Variants in ZNF839 observed in about 807,000 individuals in gnomAD.
The protein encoded by ZNF839 is zinc finger protein 839, also known as renal carcinoma antigen NY-REN-50.
In ZNF839, 38 loss-of-function variants were observed where a neutral mutation model predicts 56.4. The observed-to-expected ratio is 0.67, with a 90% CI of 0.52 to 0.88. ZNF839 has a LOEUF of 0.88. Among genes scored for constraint, ZNF839 ranks in the 40% least tolerant of loss-of-function variants. ZNF839 has a pLI of 0.00. For synonymous variants in ZNF839, 486 were observed against 493.5 expected (o/e 0.98, Z 0.20); for missense variants, 1,091 against 1,177.6 (o/e 0.93, Z 1.08).
rs2073817202 is a variant in ZNF839, at chr14:102,332,156, G to A, written c.1416+310G>A. 1.3e-5 allele frequency among the ~76,000 whole-genome samples: 2 copies of A among 151,832 alleles called. No homozygotes were observed. Among genetic ancestry groups the A allele is most frequent in the Admixed American group, 1.3e-4 (2 of 15,260 alleles). On this transcript the variant is annotated intron_variant, in intron 3 of 7. Transcript: ENST00000442396. The surrounding 1 kb of genome is among the most constrained non-coding windows in gnomAD (Gnocchi z 4.9). ...TCAAAACCATTCTTTTTTTTTAGAC[G>A]GAGTCTCACACTGTCATCCAGGCTG...
At chr14:102,339,597 A>AT (rs1886267347) in intron 7 of ZNF839, among the ~76,000 whole-genome samples, 1 of 152,138 alleles carries the variant, frequency 6.6e-6, no homozygotes, top group African/African-American at 2.4e-5. Context: ...ATACAAAAAA[A>AT]ACTAGCTGGG....
intron 1 of ZNF839, among the ~76,000 whole-genome samples, chr14:102,322,634 G>A (rs1419910587): frequency 6.6e-6 from 1 of 152,058 alleles, no homozygotes; most frequent in Non-Finnish European, 1.5e-5. Context: ...GACTGATCTC[G>A]GCTCACTACA....
intron 2 of ZNF839, 133 bp from the exon 3 acceptor site, chr14:102,331,489 A>T: frequency 1.4e-6 from 1 of 711,504 alleles, no homozygotes; most frequent in Non-Finnish European, 2.3e-6. Context: ...ACCTCAAATG[A>T]TCCACCCGCC....
chr14:102,333,367 TC>T (rs141837279), intron 3 of ZNF839, among the ~76,000 whole-genome samples: 12,371 of 151,316 alleles, frequency 0.082, 1,159 homozygotes, highest in African/African-American at 0.23. Flanking sequence ...CAATTGATCT[TC>T]CTGCATCAGC....
intron 2 of ZNF839, 72 bp from the exon 3 acceptor site, chr14:102,331,550 A>G (rs2073781300): frequency 7.3e-7 from 1 of 1,365,938 alleles, no homozygotes; most frequent in Non-Finnish European, 1.0e-6. Flanking sequence ...GCGCCCGGCC[A>G]CTAAAAGGTT....
intron 1 of ZNF839, among the ~76,000 whole-genome samples, chr14:102,325,225 A>G (rs1359004547): frequency 2.0e-5 from 3 of 151,364 alleles, no homozygotes; most frequent in African/African-American, 7.3e-5. Flanking sequence ...GTGTGGTGGC[A>G]GCTACTCCGG....
In ZNF839 at chr14:102,338,899, A is replaced by C. The variant is rs1567297330; in HGVS notation, c.1743A>C (p.Arg581=). 2 of 1,613,996 alleles carry C rather than the reference A, an allele frequency of 1.2e-6. No homozygotes were observed. Among genetic ancestry groups the C allele is most frequent in the East Asian group, 2.2e-5 (1 of 44,882 alleles). The change falls in exon 6 of 8, where the codon CGA becomes CGC. Residue 581 remains arginine (R), a synonymous_variant. Transcript: ENST00000442396. ...ACCTTGGACCCAAGCACCTCAGCCGAGACATGGATGGGGAGCAGCTAGAGG... is the reference window on the plus strand; with the variant it reads ...ACCTTGGACCCAAGCACCTCAGCCGCGACATGGATGGGGAGCAGCTAGAGG... ...PDNLGPKHLS[R]DMDGEQLEGA... is the part of the protein sequence containing the mutation.
At chr14:102,331,131 T>C (rs1175246377) in intron 2 of ZNF839, among the ~76,000 whole-genome samples, 1 of 152,256 alleles carries the variant, frequency 6.6e-6, no homozygotes, top group Non-Finnish European at 1.5e-5. Flanking sequence ...ATGAATTTTA[T>C]GGTATTTTAA....
intron 3 of ZNF839, among the ~76,000 whole-genome samples, chr14:102,333,693 C>T (rs951986568): frequency 9.2e-5 from 14 of 152,144 alleles, no homozygotes; most frequent in Non-Finnish European, 1.9e-4. Flanking sequence ...AGGCCTTCTT[C>T]CCTCTACAGA....
chr14:102,325,341 GAAAAAAA>G (rs199569682), intron 1 of ZNF839, among the ~76,000 whole-genome samples: 1 of 104,700 alleles, frequency 9.6e-6, no homozygotes, highest in Non-Finnish European at 2.1e-5. Flanking sequence ...CCTAATCTCA[GAAAAAAA>G]AAAAAAAAAT....
intron 1 of ZNF839, among the ~76,000 whole-genome samples, chr14:102,323,797 C>CT (rs1310318709): frequency 2.6e-5 from 4 of 152,268 alleles, no homozygotes; most frequent in Non-Finnish European, 4.4e-5. Flanking sequence ...AGATTCAGAG[C>CT]AGAACTTAGG....
chr14:102,330,482 C>A (rs1193361489), intron 2 of ZNF839, among the ~76,000 whole-genome samples: 1 of 151,910 alleles, frequency 6.6e-6, no homozygotes, highest in Non-Finnish European at 1.5e-5. Context: ...AATCCACCTG[C>A]CTCAGTCCCC....
At chr14:102,321,546 C>T (rs1043981250) in intron 1 of ZNF839, among the ~76,000 whole-genome samples, 1 of 152,100 alleles carries the variant, frequency 6.6e-6, no homozygotes, top group Non-Finnish European at 1.5e-5. Flanking sequence ...CAATAATATA[C>T]CTTTGCAGCA....
chr14:102,332,477 G>T lies in ZNF839; in HGVS notation c.1416+631G>T, dbSNP rs371246731. ...TACAGATGATAATTTCTCCAGAAAT[G>T]GATATTAATTTATACATTTACTGGG... On this transcript the variant is annotated intron_variant, in intron 3 of 7. Transcript: ENST00000442396. This position sits in a 1 kb window ranked among gnomAD's most constrained non-coding sequence, Gnocchi z 4.9. Among the ~76,000 whole-genome samples the T allele has an allele frequency of 6.6e-6, 1 of 152,140 alleles. No individual in the cohort carries two copies. Among genetic ancestry groups the T allele is most frequent in the East Asian group, 1.9e-4 (1 of 5,186 alleles).
chr14:102,326,913 CTT>C lies in ZNF839; in HGVS notation c.1191+30_1191+31del. Reference sequence around the variant, plus strand: ...GTAATGTTTCTGTCTGGGTATGTGTCTTTTTATTTGGCCGTTCTCGGATTGCT... The same window carrying C: ...GTAATGTTTCTGTCTGGGTATGTGTCTTTATTTGGCCGTTCTCGGATTGCT... On this transcript the variant is annotated intron_variant, in intron 2 of 7. Coordinates refer to ENST00000442396, the MANE Select transcript of ZNF839 (RefSeq NM_018335.6). The surrounding 1 kb of genome is among the most constrained non-coding windows in gnomAD (Gnocchi z 4.3). 1 of 1,552,254 alleles carries C rather than the reference CTT, an allele frequency of 6.4e-7. No homozygotes were observed. The highest frequency in any genetic ancestry group is 1.2e-5 in the South Asian group (1 of 83,628).
chr14:102,319,925 C>T lies in ZNF839; in HGVS notation c.160C>T (p.Pro54Ser). The T allele has an allele frequency of 8.2e-7, 1 of 1,215,540 alleles. No individual in the cohort carries two copies. Among genetic ancestry groups the T allele is most frequent in the Non-Finnish European group, 1.0e-6 (1 of 971,740 alleles). The allele number at this position is 1,215,540 out of a possible 1,614,324, so 75.3% of individuals were successfully genotyped here. A position where few individuals can be genotyped will look rare whatever the true frequency, so the allele number is the denominator to read the frequency against. Residue 54 changes from proline to serine, a missense_variant, in exon 1 of 8, where the codon CCG (proline) becomes TCG (serine). Coordinates refer to ENST00000442396, the MANE Select transcript of ZNF839 (RefSeq NM_018335.6). The surrounding 1 kb of genome is among the most constrained non-coding windows in gnomAD (Gnocchi z 4.5). ...VLEQVTKAQP[P>S]PPPPPFVLRD... ...GGAGCAGGTGACGAAGGCGCAGCCG[C>T]CGCCGCCGCCGCCCCCCTTCGTGCT...
chr14:102,335,340 G>A, intron 4 of ZNF839: 1 of 222,026 alleles, frequency 4.5e-6, no homozygotes, highest in South Asian at 7.4e-5. Context: ...CCACTCTGAG[G>A]CTGCAGCCCA....
intron 2 of ZNF839, among the ~76,000 whole-genome samples, chr14:102,330,522 C>CCGGGCACGCCTGGCCT: frequency 6.6e-6 from 1 of 151,438 alleles, no homozygotes. Flanking sequence ...GCATGAGCCA[C>CCGGGCACGCCTGGCCT]TGCTCCCCGC....
In ZNF839 at chr14:102,340,231, C is replaced by T. The variant is rs528636322; in HGVS notation, c.1927+1008C>T. ...CTGCAGGTGATCTGCCCACCTCGGC[C>T]TCCCAAAGTGCTGGGATTACAGGCA... is the stretch of plus-strand genomic sequence containing the variant. On this transcript the variant is annotated intron_variant, in intron 7 of 7. Transcript: ENST00000442396. Among the ~76,000 whole-genome samples, 87 of 151,384 alleles carry T rather than the reference C, an allele frequency of 5.7e-4. 1 individual carries two copies. In the Middle Eastern group the frequency reaches 0.01, roughly 18 times the overall value.
Sources: gnomAD v4.1 joint callset for allele counts (sites outside exome capture counted in the v4.1 genomes callset) on GRCh38, gnomAD v4.1.1 for gene constraint, Gnocchi (gnomAD v3.1) non-coding constraint, MANE v1.5 for transcripts, NCBI Gene and HGNC (gene_info 2026-07-23, HGNC 2026-07-21) for gene names.